NCKAP1L: variants seen among roughly 807,000 people sequenced by gnomAD.
NCKAP1L encodes the protein NCK associated protein 1 like, also known as nck-associated protein 1-like.
A neutral mutation model predicts 139.2 loss-of-function variants in NCKAP1L; 53 were observed. That is an observed-to-expected ratio of 0.38 (90% confidence interval 0.31 to 0.48). The LOEUF is 0.48. Ranked by LOEUF, NCKAP1L falls within the 20% of genes least tolerant of loss-of-function variation. NCKAP1L has a pLI of 0.98. For synonymous variants in NCKAP1L, 468 were observed against 499.7 expected, an observed-to-expected ratio of 0.94 and a Z score of 0.85; for missense variants, 1,151 against 1,381.9, an observed-to-expected ratio of 0.83 and a Z score of 2.65.
intron 12 of NCKAP1L, 71 bp from the exon 13 acceptor site, chr12:54,517,735 G>C: frequency 6.2e-7 from 1 of 1,602,000 alleles, no homozygotes; most frequent in Non-Finnish European, 8.6e-7. Flanking sequence ...TTTCTGCCCT[G>C]ATATCACTGT....
rs1375307328 is a variant in NCKAP1L at position 54,546,487 on chromosome 12, G to T, written c.*3802G>T. On this transcript the variant is annotated 3_prime_UTR_variant, in exon 31 of 31. Transcript: ENST00000293373. ...AATACCAGGATCCAGGAGGGAGGGA[G>T]GGTATATCTGTGTCCCCCAGCTAGG... The T allele has an allele frequency of 6.6e-6, 1 of 152,078 alleles. No individual in the cohort carries two copies. Among genetic ancestry groups the T allele is most frequent in the Non-Finnish European group, 1.5e-5 (1 of 68,058 alleles). 9.4% of individuals were successfully genotyped at this position (152,078 alleles called of 1,614,324 possible).
rs572986846 is a variant in NCKAP1L at position 54,543,366 on chromosome 12, T to A, written c.*681T>A. The A allele has an allele frequency of 6.6e-6, 1 of 152,308 alleles. No individual in the cohort carries two copies. The highest frequency in any genetic ancestry group is 1.9e-4 in the East Asian group (1 of 5,178). 9.4% of individuals were successfully genotyped at this position (152,308 alleles called of 1,614,324 possible). ...TGCCCACCTACTCTACTACATTGTT[T>A]GTTACAAGTTCTCTCTTGCTTTAAC... On this transcript the variant is annotated 3_prime_UTR_variant, in exon 31 of 31. Transcript: ENST00000293373.
chr12:54,538,239 C>T (rs1957128382), intron 29 of NCKAP1L, among the ~76,000 whole-genome samples: 1 of 152,130 alleles, frequency 6.6e-6, no homozygotes, highest in Non-Finnish European at 1.5e-5. Context: ...AGCTGAGGCA[C>T]CCAACCAGAT....
At position 54,516,889 on chromosome 12, in the gene NCKAP1L, T is replaced by C. The variant is rs1956936561; in HGVS notation, c.999-7T>C. 1 of 1,611,200 alleles carries C rather than the reference T, an allele frequency of 6.2e-7. No homozygotes were observed. The highest frequency in any genetic ancestry group is 1.3e-5 in the African/African-American group (1 of 74,848). On this transcript the variant is annotated splice_polypyrimidine_tract_variant and splice_region_variant and intron_variant, in intron 10 of 30. Coordinates refer to ENST00000293373, the MANE Select transcript of NCKAP1L (RefSeq NM_005337.5). Reference sequence around the variant, plus strand: ...GGTGATAGTCATGTTCCCCTTTTCTTCCTTAGTGGCCAGTTTCATTGTCAA... The same window carrying C: ...GGTGATAGTCATGTTCCCCTTTTCTCCCTTAGTGGCCAGTTTCATTGTCAA...
chr12:54,512,821 T>C (rs183864068), intron 9 of NCKAP1L, among the ~76,000 whole-genome samples: 2 of 152,048 alleles, frequency 1.3e-5, no homozygotes, highest in East Asian at 3.9e-4. Flanking sequence ...TGTGTGTGTG[T>C]GCCTGTGCAT....
At chr12:54,510,422 C>T in intron 7 of NCKAP1L, 1 of 387,372 alleles carries the variant, frequency 2.6e-6, no homozygotes, top group Non-Finnish European at 5.2e-6. Context: ...CTCCTGGGCT[C>T]AAGTGATCCT....
Position 54,544,933 on chromosome 12 carries a change from G to A in NCKAP1L, c.*2248G>A, listed in dbSNP as rs552567086. 2.0e-5 allele frequency: 3 copies of A among 152,190 alleles called. No individual in the cohort carries two copies. The highest frequency in any genetic ancestry group is 2.9e-5 in the Non-Finnish European group (2 of 68,058). The allele number at this position is 152,190 out of a possible 1,614,324, so 9.4% of individuals were successfully genotyped here. A position where few individuals can be genotyped will look rare whatever the true frequency, so the allele number is the denominator to read the frequency against. The stretch of plus-strand genomic sequence containing the variant: ...GAATAACTTGATCCCGGGAGGCGGA[G>A]GTTGCAGTAAGCTAAGATCCTGCCA... On this transcript the variant is annotated 3_prime_UTR_variant, in exon 31 of 31. Transcript: ENST00000293373.
Position 54,526,765 on chromosome 12 carries a change from T to G in NCKAP1L, c.2375+19T>G. 1 of 1,602,706 alleles carries G rather than the reference T, an allele frequency of 6.2e-7. No homozygotes were observed. The highest frequency in any genetic ancestry group is 8.5e-7 in the Non-Finnish European group (1 of 1,171,572). On this transcript the variant is annotated intron_variant, in intron 21 of 30. Transcript: ENST00000293373. ...CAAACTGGTCAGTGTTGCTTAGGCT[T>G]TTCCACTGCCTTACTTTGTGTTGGC...
chr12:54,528,065 G>A (rs528750347), intron 21 of NCKAP1L, among the ~76,000 whole-genome samples, 182 bp from the exon 22 acceptor site: 260 of 152,304 alleles, frequency 1.7e-3, no homozygotes, highest in African/African-American at 6.1e-3. Context: ...AGTACTGCCA[G>A]TTGTTTTTGA....
At chr12:54,500,024 C>G (rs889668755) in intron 2 of NCKAP1L, among the ~76,000 whole-genome samples, 1 of 152,148 alleles carries the variant, frequency 6.6e-6, no homozygotes, top group Admixed American at 6.5e-5. Context: ...ACCATTCTAC[C>G]TAGATAGACA....
intron 9 of NCKAP1L, among the ~76,000 whole-genome samples, chr12:54,512,917 C>A (rs1311826118): frequency 2.0e-5 from 3 of 152,056 alleles, no homozygotes; most frequent in Non-Finnish European, 4.4e-5. Context: ...CAACAAAGAG[C>A]ATGGCAAGTT....
rs1202894490 is a variant in NCKAP1L, at chr12:54,545,608, C to T, written c.*2923C>T. ...CTTCCTTTACCAGGAGGGTCTCTGT[C>T]CTCTTACAACCTGGGAAAAAATAAG... On this transcript the variant is annotated 3_prime_UTR_variant, in exon 31 of 31. Transcript: ENST00000293373. 1 of 152,206 alleles carries T rather than the reference C, an allele frequency of 6.6e-6. No homozygotes were observed. The highest frequency in any genetic ancestry group is 2.1e-4 in the South Asian group (1 of 4,828). 9.4% of individuals were successfully genotyped at this position (152,206 alleles called of 1,614,324 possible).
rs948343628 is a variant in NCKAP1L, at chr12:54,545,016, T to A, written c.*2331T>A. 6.6e-6 allele frequency: 1 copy of A among 151,954 alleles called. No individual in the cohort carries two copies. Among genetic ancestry groups the A allele is most frequent in the Non-Finnish European group, 1.5e-5 (1 of 67,992 alleles). The allele number at this position is 151,954 out of a possible 1,614,324, so 9.4% of individuals were successfully genotyped here. A position where few individuals can be genotyped will look rare whatever the true frequency, so the allele number is the denominator to read the frequency against. On this transcript the variant is annotated 3_prime_UTR_variant, in exon 31 of 31. Coordinates refer to ENST00000293373, the MANE Select transcript of NCKAP1L (RefSeq NM_005337.5). ...CTGTCTCAAAAAATAAATAATAATT[T>A]AAAAAAAGATACAGAACAGTTCCAT... is the stretch of plus-strand genomic sequence containing the variant.
Position 54,543,874 on chromosome 12 carries a change from G to A in NCKAP1L, c.*1189G>A, listed in dbSNP as rs1305399565. The stretch of plus-strand genomic sequence containing the variant: ...TATATGTCACAGGTCTAGAGTGGTT[G>A]GAATTGACAAATATAATTAGCTAGT... On this transcript the variant is annotated 3_prime_UTR_variant, in exon 31 of 31. Coordinates refer to ENST00000293373, the MANE Select transcript of NCKAP1L (RefSeq NM_005337.5). The A allele has an allele frequency of 6.6e-6, 1 of 152,142 alleles. No homozygotes were observed. Among genetic ancestry groups the A allele is most frequent in the Admixed American group, 6.5e-5 (1 of 15,270 alleles). The allele number at this position is 152,142 out of a possible 1,614,324, so 9.4% of individuals were successfully genotyped here.
chr12:54,507,428 C>T (rs1349243655), intron 3 of NCKAP1L, among the ~76,000 whole-genome samples: 3 of 152,104 alleles, frequency 2.0e-5, no homozygotes, highest in African/African-American at 4.8e-5. Flanking sequence ...ACAGTATTCC[C>T]GTTTGTTAAT....
chr12:54,537,126 A>G, intron 29 of NCKAP1L, 73 bp downstream of exon 29: 1 of 1,028,714 alleles, frequency 9.7e-7, no homozygotes. Context: ...ATCTGTAGAC[A>G]ATTATCGTTG....
intron 3 of NCKAP1L, among the ~76,000 whole-genome samples, chr12:54,505,542 C>A (rs1360740490): frequency 5.9e-5 from 9 of 151,556 alleles, no homozygotes. Flanking sequence ...TCTTTTCTAG[C>A]AGTTCAAATA....
chr12:54,500,521 T>C lies in NCKAP1L; in HGVS notation c.214-12T>C. 1.3e-6 allele frequency: 2 copies of C among 1,587,958 alleles called. No individual in the cohort carries two copies. The highest frequency in any genetic ancestry group is 2.2e-5 in the South Asian group (2 of 90,480). ...TGCACTTTTTTATTGTTTTGTTTTG[T>C]GTTTCTCTCAGCAACATTTAGGACC... On this transcript the variant is annotated splice_polypyrimidine_tract_variant and intron_variant, in intron 2 of 30. Transcript: ENST00000293373.
intron 7 of NCKAP1L, among the ~76,000 whole-genome samples, chr12:54,511,030 TG>T (rs1417414580): frequency 6.6e-6 from 1 of 152,192 alleles, no homozygotes; most frequent in East Asian, 1.9e-4. Context: ...ACTTATAGTC[TG>T]GTAGGGAACA....
Sources: allele counts gnomAD v4.1 joint callset (sites outside exome capture counted in the v4.1 genomes callset), GRCh38; gene constraint gnomAD v4.1.1; transcripts MANE v1.5; gene names NCBI Gene and HGNC (gene_info 2026-07-23, HGNC 2026-07-21).